LDLRAD2: variants seen among roughly 807,000 people sequenced by gnomAD.
LDLRAD2 encodes the protein low-density lipoprotein receptor class A domain-containing protein 2.
A neutral mutation model predicts 24.9 loss-of-function variants in LDLRAD2; 25 were observed. That is an observed-to-expected ratio of 1.00 (90% confidence interval 0.73 to 1.40). The LOEUF (loss-of-function observed/expected upper bound fraction) is 1.40, where lower values mean the gene tolerates loss of function less well. Among genes scored for constraint, LDLRAD2 ranks in the 40% most tolerant of loss-of-function variants. The pLI is 0.00. For synonymous variants in LDLRAD2, 182 were observed against 166.7 expected, an observed-to-expected ratio of 1.09 and a Z score of -0.71; for missense variants, 391 against 366.2, an observed-to-expected ratio of 1.07 and a Z score of -0.55.
chr1:21,813,301 T>TA (rs368808667), intron 1 of LDLRAD2, among the ~76,000 whole-genome samples: 13,057 of 142,828 alleles, frequency 0.091, 680 homozygotes, highest in Non-Finnish European at 0.12. Flanking sequence ...CTCAAAGAAA[T>TA]AAAAAAAAAA....
rs563548932 is a variant in LDLRAD2, at chr1:21,812,463, T to C, written c.12T>C (p.Cys4=). MEA[C]CLLQLPQRLL... ...ACAGCAGAGCCTGGATGGAGGCTTG[T>C]TGTCTTCTGCAGTTGCCCCAAAGGT... The change falls in exon 1 of 5, where the codon TGT becomes TGC. Residue 4 remains cysteine, a synonymous_variant. Coordinates refer to ENST00000344642, the MANE Select transcript of LDLRAD2 (RefSeq NM_001013693.3). 3 of 1,614,098 alleles carry C rather than the reference T, an allele frequency of 1.9e-6. No homozygotes were observed. The East Asian group carries it at 6.7e-5, about 36-fold the overall frequency.
chr1:21,815,030 A>G (rs565386199), intron 2 of LDLRAD2, among the ~76,000 whole-genome samples: 1 of 152,268 alleles, frequency 6.6e-6, no homozygotes, highest in Non-Finnish European at 1.5e-5. Flanking sequence ...GGATCCTAAG[A>G]GCCAACCATA....
At position 21,816,081 on chromosome 1, in the gene LDLRAD2, G is replaced by A; in HGVS notation, c.643+7G>A. On this transcript the variant is annotated splice_region_variant and intron_variant, in intron 3 of 4. Transcript: ENST00000344642. ...TCACCAGCTGACTGCAGAGGTCAGT[G>A]CGGGGTGTGGACTGGGCCCTACTGA... 6.2e-7 allele frequency: 1 copy of A among 1,612,246 alleles called. No homozygotes were observed. Among genetic ancestry groups the A allele is most frequent in the Non-Finnish European group, 8.5e-7 (1 of 1,179,758 alleles).
chr1:21,820,509 C>T (rs1177585858), intron 3 of LDLRAD2, among the ~76,000 whole-genome samples: 6 of 122,052 alleles, frequency 4.9e-5, no homozygotes, highest in East Asian at 2.4e-4. Flanking sequence ...GGCGACAGAG[C>T]GAGACTCCGT....
rs2097965698 is a variant in LDLRAD2, at chr1:21,824,910, C to A, written c.*2695C>A. On this transcript the variant is annotated 3_prime_UTR_variant, in exon 5 of 5. Coordinates refer to ENST00000344642, the MANE Select transcript of LDLRAD2 (RefSeq NM_001013693.3). This position sits in a 1 kb window ranked among gnomAD's most constrained non-coding sequence, Gnocchi z 5.9. ...CTCCGAGCCTGCAGTCCCTGGGGAC[C>A]CACGGGGGCTGCCAACAGAATTCAG... The A allele has an allele frequency of 2.4e-6, 2 of 817,476 alleles. No homozygotes were observed. Among genetic ancestry groups the A allele is most frequent in the Middle Eastern group, 3.2e-4 (1 of 3,126 alleles). The allele number at this position is 817,476 out of a possible 1,614,324, so 50.6% of individuals were successfully genotyped here.
chr1:21,815,961 TC>T lies in LDLRAD2; in HGVS notation c.532del (p.Arg178AlafsTer57), dbSNP rs1472191800. ...SFRLGPCGAYFRCQNGRCIPS... is the reference protein window; with the variant it reads ...SFRLGPCGAYXRCQNGRCIPS... ...GCCTCAGGACCTTGTGGTGCCTACT[TC>T]CGCTGCCAGAATGGCAGGTGCATCC... On this transcript the variant is annotated frameshift_variant, in exon 3 of 5. Coordinates refer to ENST00000344642, the MANE Select transcript of LDLRAD2 (RefSeq NM_001013693.3). LOFTEE classifies it high-confidence loss of function. The T allele has an allele frequency of 3.7e-6, 6 of 1,613,898 alleles. No individual in the cohort carries two copies. Among genetic ancestry groups the T allele is most frequent in the Non-Finnish European group, 4.2e-6 (5 of 1,179,982 alleles).
rs757341187 is a variant in LDLRAD2 at position 21,814,615 on chromosome 1, G to C, written c.303G>C (p.Pro101=). 3.2e-5 allele frequency: 51 copies of C among 1,609,998 alleles called. No individual in the cohort carries two copies. In the Admixed American group the frequency reaches 5.0e-4, roughly 16 times the overall value. Residue 101 remains proline, a synonymous_variant, in exon 2 of 5, where the codon CCG becomes CCC. Coordinates refer to ENST00000344642, the MANE Select transcript of LDLRAD2 (RefSeq NM_001013693.3). ...CCCCGGCGCTCAACACCTCCTCCCC[G>C]GCCCCGGCCGACCCGTGCGCCCCCG... ...PAPPALNTSS[P]APADPCAPGS...
Position 21,824,285 on chromosome 1 carries a change from G to C in LDLRAD2, c.*2070G>C, listed in dbSNP as rs78845480. ...GCTGGGACCAGGGAAGGGAGAGGAA[G>C]GGCCAGGTGCCAGGACCTACCTGAA... On this transcript the variant is annotated 3_prime_UTR_variant, in exon 5 of 5. Transcript: ENST00000344642. This position sits in a 1 kb window ranked among gnomAD's most constrained non-coding sequence, Gnocchi z 5.9. 79,046 of 1,613,640 alleles carry C rather than the reference G, an allele frequency of 0.049. 2,343 individuals carry two copies. Among genetic ancestry groups the C allele is most frequent in the South Asian group, 0.089 (8,080 of 91,078 alleles).
chr1:21,814,624 C>A lies in LDLRAD2; in HGVS notation c.312C>A (p.Ala104=). The change falls in exon 2 of 5, where the codon GCC becomes GCA. Residue 104 remains alanine, a synonymous_variant. Transcript: ENST00000344642. The part of the protein sequence containing the change: ...PALNTSSPAP[A]DPCAPGSYLQ... ...TCAACACCTCCTCCCCGGCCCCGGC[C>A]GACCCGTGCGCCCCCGGCTCCTACC... The A allele has an allele frequency of 6.2e-7, 1 of 1,608,392 alleles. No individual in the cohort carries two copies.
Position 21,824,644 on chromosome 1 carries a change from G to GAAA in LDLRAD2, c.*2431_*2432insAAA. ...CGGAGGAAGAGCGGGTGAGGGGACA[G>GAAA]AAGTCCCAGATTCCCATCCTCCCCA... On this transcript the variant is annotated 3_prime_UTR_variant, in exon 5 of 5. Coordinates refer to ENST00000344642, the MANE Select transcript of LDLRAD2 (RefSeq NM_001013693.3). This position sits in a 1 kb window ranked among gnomAD's most constrained non-coding sequence, Gnocchi z 5.9. The GAAA allele has an allele frequency of 6.2e-7, 1 of 1,613,490 alleles. No individual in the cohort carries two copies. The highest frequency in any genetic ancestry group is 8.5e-7 in the Non-Finnish European group (1 of 1,179,590).
In LDLRAD2 at chr1:21,814,758, G is replaced by T. The variant is rs751993242; in HGVS notation, c.446G>T (p.Arg149Leu). ...VASSGPFLGL[R>L]LVTRGRQPRV... ...TCCTCCGGACCCTTTCTAGGCCTGC[G>T]CCTGGTCACGAGAGGCCGCCAGCCC... Residue 149 changes from arginine to leucine, a missense_variant, in exon 2 of 5, where the codon CGC (arginine) becomes CTC (leucine). Arg to Leu is a moderately radical substitution (Grantham distance 102). Coordinates refer to ENST00000344642, the MANE Select transcript of LDLRAD2 (RefSeq NM_001013693.3). 5.3e-6 allele frequency: 8 copies of T among 1,508,616 alleles called. No homozygotes were observed. The highest frequency in any genetic ancestry group is 1.4e-5 in the African/African-American group (1 of 71,080). The allele number at this position is 1,508,616 out of a possible 1,614,324, so 93.5% of individuals were successfully genotyped here. A position where few individuals can be genotyped will look rare whatever the true frequency, so the allele number is the denominator to read the frequency against.
chr1:21,814,625 G>A lies in LDLRAD2; in HGVS notation c.313G>A (p.Asp105Asn), dbSNP rs1311599474. 3 of 1,608,784 alleles carry A rather than the reference G, an allele frequency of 1.9e-6. No individual in the cohort carries two copies. Among genetic ancestry groups the A allele is most frequent in the Admixed American group, 1.7e-5 (1 of 59,738 alleles). Residue 105 changes from aspartate (D) to asparagine (N), a missense_variant, in exon 2 of 5, where the codon GAC becomes AAC. Transcript: ENST00000344642. ...CAACACCTCCTCCCCGGCCCCGGCC[G>A]ACCCGTGCGCCCCCGGCTCCTACCT... is the stretch of plus-strand genomic sequence containing the variant. The part of the protein sequence containing the change: ...ALNTSSPAPA[D>N]PCAPGSYLQF...
At chr1:21,816,163 G>A in intron 3 of LDLRAD2, 89 bp downstream of exon 3, 5 of 1,520,984 alleles carry the variant, frequency 3.3e-6, no homozygotes, top group Non-Finnish European at 4.4e-6. Flanking sequence ...GCCCCGATGG[G>A]GAGGCAGGAG....
At chr1:21,812,581 C>T in intron 1 of LDLRAD2, 45 bp downstream of exon 1, 1 of 1,491,704 alleles carries the variant, frequency 6.7e-7, no homozygotes, top group Non-Finnish European at 9.3e-7. Flanking sequence ...AGACTTGGGC[C>T]CCCACCATCC....
Position 21,816,130 on chromosome 1 carries a change from T to C in LDLRAD2, c.643+56T>C, listed in dbSNP as rs1020760115. 74 of 1,591,602 alleles carry C rather than the reference T, an allele frequency of 4.6e-5. No individual in the cohort carries two copies. In the East Asian group the frequency reaches 6.1e-4, roughly 13 times the overall value. ...GAACAGCTGGAGGGAAGCCTGGCCC[T>C]AACTCCCCTTCCCTAGGGCAGGGCC... On this transcript the variant is annotated intron_variant, in intron 3 of 4. Coordinates refer to ENST00000344642, the MANE Select transcript of LDLRAD2 (RefSeq NM_001013693.3).
At chr1:21,820,065 C>T (rs2097948605) in intron 3 of LDLRAD2, among the ~76,000 whole-genome samples, 1 of 152,154 alleles carries the variant, frequency 6.6e-6, no homozygotes, top group African/African-American at 2.4e-5. Context: ...GAGAAATCCA[C>T]CCCCATGATC....
chr1:21,813,133 A>G (rs1405619064), intron 1 of LDLRAD2, among the ~76,000 whole-genome samples: 1 of 152,146 alleles, frequency 6.6e-6, no homozygotes. Context: ...CATCTCTACT[A>G]AAAATACAAA....
rs369986175 is a variant in LDLRAD2 at position 21,823,822 on chromosome 1, G to T, written c.*1607G>T. 1 of 895,752 alleles carries T rather than the reference G, an allele frequency of 1.1e-6. No individual in the cohort carries two copies. Among genetic ancestry groups the T allele is most frequent in the Admixed American group, 1.9e-5 (1 of 52,696 alleles). 55.5% of individuals were successfully genotyped at this position (895,752 alleles called of 1,614,324 possible). On this transcript the variant is annotated 3_prime_UTR_variant, in exon 5 of 5. Coordinates refer to ENST00000344642, the MANE Select transcript of LDLRAD2 (RefSeq NM_001013693.3). Reference sequence around the variant, plus strand: ...TGATATCGAGACTCCAGACTCAGAAGTCTGTCCCTGTTTCCCAAGCTCTTT... The same window carrying T: ...TGATATCGAGACTCCAGACTCAGAATTCTGTCCCTGTTTCCCAAGCTCTTT...
Position 21,823,364 on chromosome 1 carries a change from C to T in LDLRAD2, c.*1149C>T. ...TGGCCCCGGCCTGGGCGCGGTGCTG[C>T]AGGTCCAGGGGCTGTGGGGGCGGGG... On this transcript the variant is annotated 3_prime_UTR_variant, in exon 5 of 5. Transcript: ENST00000344642. The T allele has an allele frequency of 6.5e-7, 1 of 1,548,350 alleles. No homozygotes were observed. Among genetic ancestry groups the T allele is most frequent in the Non-Finnish European group, 8.7e-7 (1 of 1,150,884 alleles).
Sources: allele counts gnomAD v4.1 joint callset (sites outside exome capture counted in the v4.1 genomes callset), GRCh38; gene constraint gnomAD v4.1.1; non-coding constraint Gnocchi (gnomAD v3.1); transcripts MANE v1.5; gene names NCBI Gene and HGNC (gene_info 2026-07-23, HGNC 2026-07-21).